EIF2AK4: variants seen among roughly 807,000 people sequenced by gnomAD.
The protein encoded by EIF2AK4 is eukaryotic translation initiation factor 2 alpha kinase 4.
In EIF2AK4, 139 loss-of-function variants were observed where a neutral mutation model predicts 211.1. The observed-to-expected ratio is 0.66, with a 90% CI of 0.57 to 0.76. EIF2AK4 has a LOEUF of 0.76. Among genes scored for constraint, EIF2AK4 ranks in the 30% least tolerant of loss-of-function variants. The probability of loss-of-function intolerance (pLI) is 0.00; values close to 1 mark genes in which losing one functional copy is unlikely to be tolerated. For synonymous variants in EIF2AK4, 710 were observed against 751.3 expected (o/e 0.94, Z 0.90); for missense variants, 1,664 against 2,043.8 (o/e 0.81, Z 3.58).
intron 9 of EIF2AK4, among the ~76,000 whole-genome samples, chr15:39,971,937 A>G (rs1052079542): frequency 2.6e-5 from 4 of 152,180 alleles, no homozygotes; most frequent in African/African-American, 9.7e-5. Flanking sequence ...GCTACTGGCC[A>G]GGGACCCCAC....
Position 40,001,063 on chromosome 15 carries a change from C to T in EIF2AK4, c.2998C>T (p.Leu1000=). 1.2e-6 allele frequency: 2 copies of T among 1,614,202 alleles called. No homozygotes were observed. The highest frequency in any genetic ancestry group is 1.7e-6 in the Non-Finnish European group (2 of 1,180,036). The stretch of plus-strand genomic sequence containing the variant: ...AGCCACAGAACTGCTCAAGAGTGAG[C>T]TGCTGCCCCCACCCCAGATGGAGGA... ...PTATELLKSE[L]LPPPQMEESE... The change falls in exon 21 of 39, where the codon CTG becomes TTG. Residue 1000 remains leucine, a synonymous_variant. Coordinates refer to ENST00000263791, the MANE Select transcript of EIF2AK4 (RefSeq NM_001013703.4).
intron 1 of EIF2AK4, among the ~76,000 whole-genome samples, chr15:39,935,256 C>G (rs550987309): frequency 6.6e-6 from 1 of 151,946 alleles, no homozygotes; most frequent in African/African-American, 2.4e-5. Context: ...AGTTTTTTCC[C>G]CATCCTTGAA....
At chr15:39,983,104 C>T (rs988959990) in intron 13 of EIF2AK4, among the ~76,000 whole-genome samples, 13 of 152,160 alleles carry the variant, frequency 8.5e-5, no homozygotes, top group Admixed American at 3.3e-4. Flanking sequence ...AGTTCTAGAT[C>T]CTTGAGGAAT....
rs2034116738 is a variant in EIF2AK4 at position 39,939,619 on chromosome 15, T to C, written c.257+2T>C. ...ATGCCCACCTACCTATCCAGATGTG[T>C]GAGTACATTTATAAATAGCTTTGAC... On this transcript the variant is annotated splice_donor_variant, in intron 2 of 38. Transcript: ENST00000263791. LOFTEE classifies it high-confidence loss of function. 1 of 1,596,414 alleles carries C rather than the reference T, an allele frequency of 6.3e-7. No homozygotes were observed. Among genetic ancestry groups the C allele is most frequent in the African/African-American group, 1.3e-5 (1 of 74,570 alleles).
chr15:39,942,567 C>T (rs2034159985), intron 2 of EIF2AK4, among the ~76,000 whole-genome samples: 1 of 152,178 alleles, frequency 6.6e-6, no homozygotes, highest in Admixed American at 6.5e-5. Context: ...GATGAGTCAT[C>T]ATCTCTTCAG....
intron 2 of EIF2AK4, among the ~76,000 whole-genome samples, chr15:39,940,468 A>G (rs1017390825): frequency 2.6e-5 from 4 of 152,160 alleles, no homozygotes; most frequent in African/African-American, 9.7e-5. Context: ...TTATTATCCT[A>G]AGAAGTGATA....
At chr15:40,019,770 A>C (rs895349189) in intron 30 of EIF2AK4, among the ~76,000 whole-genome samples, 3 of 152,220 alleles carry the variant, frequency 2.0e-5, no homozygotes, top group Non-Finnish European at 4.4e-5. Flanking sequence ...CTTCTGCCTT[A>C]GACAATTAAT....
intron 13 of EIF2AK4, among the ~76,000 whole-genome samples, chr15:39,983,684 C>T (rs535975990): frequency 7.9e-5 from 12 of 152,304 alleles, no homozygotes; most frequent in Admixed American, 3.3e-4. Context: ...TCAGGTGAAC[C>T]GACTGCCTCG....
intron 9 of EIF2AK4, among the ~76,000 whole-genome samples, chr15:39,969,819 G>C (rs1053558341): frequency 6.6e-6 from 1 of 152,166 alleles, no homozygotes; most frequent in Admixed American, 6.5e-5. Flanking sequence ...CATTCACAAA[G>C]AATGAAAACA....
At chr15:39,959,582 G>A (rs1183016035) in intron 6 of EIF2AK4, among the ~76,000 whole-genome samples, 1 of 152,124 alleles carries the variant, frequency 6.6e-6, no homozygotes, top group African/African-American at 2.4e-5. Context: ...ATAATAGGGT[G>A]ATTCACATTC....
chr15:39,996,495 A>C (rs1283801316), intron 18 of EIF2AK4, among the ~76,000 whole-genome samples: 1 of 152,182 alleles, frequency 6.6e-6, no homozygotes. Context: ...ACTTGAGTCC[A>C]GGAGTTGGAG....
At chr15:39,978,170 TATC>T (rs2034727963) in intron 13 of EIF2AK4, 23 bp downstream of exon 13, 1 of 1,291,954 alleles carries the variant, frequency 7.7e-7, no homozygotes, top group Admixed American at 1.9e-5. Flanking sequence ...ATAGAAATTA[TATC>T]ATTTTATTCG....
intron 23 of EIF2AK4, among the ~76,000 whole-genome samples, chr15:40,004,744 G>A (rs1295136312): frequency 4.6e-5 from 7 of 151,990 alleles, no homozygotes; most frequent in African/African-American, 7.2e-5. Flanking sequence ...TTGTAGAAAC[G>A]GGCTCTCGCT....
chr15:39,975,912 A>G lies in EIF2AK4; in HGVS notation c.1819-502A>G, dbSNP rs1019755331. Among the ~76,000 whole-genome samples the G allele has an allele frequency of 4.6e-5, 7 of 152,230 alleles. No homozygotes were observed. In the East Asian group the frequency reaches 7.7e-4, roughly 17 times the overall value. On this transcript the variant is annotated intron_variant, in intron 11 of 38. Coordinates refer to ENST00000263791, the MANE Select transcript of EIF2AK4 (RefSeq NM_001013703.4). ...AATTGAGTCTCAAGGAAATTAAGTA[A>G]TTTTCCCAAGTTCACACGGCTTTAG...
At chr15:39,984,999 A>T (rs1219349539) in intron 13 of EIF2AK4, among the ~76,000 whole-genome samples, 2 of 152,204 alleles carry the variant, frequency 1.3e-5, no homozygotes, top group Admixed American at 1.3e-4. Context: ...TGTCATAAAT[A>T]GCTCTTATTA....
intron 1 of EIF2AK4, among the ~76,000 whole-genome samples, chr15:39,937,089 G>C (rs1235966571): frequency 1.3e-5 from 2 of 152,092 alleles, no homozygotes; most frequent in Admixed American, 6.5e-5. Context: ...CTAGTTTAAA[G>C]TATCTATAAT....
intron 30 of EIF2AK4, 87 bp from the exon 31 acceptor site, chr15:40,020,812 G>A: frequency 7.9e-7 from 1 of 1,261,760 alleles, no homozygotes; most frequent in Non-Finnish European, 1.1e-6. Flanking sequence ...ATCTTCCCAA[G>A]AGTGCTGCCT....
intron 2 of EIF2AK4, among the ~76,000 whole-genome samples, chr15:39,941,344 G>A (rs1164634794): frequency 6.6e-6 from 1 of 152,120 alleles, no homozygotes; most frequent in Non-Finnish European, 1.5e-5. Context: ...ACTGACCAGA[G>A]TTCCCTCATG....
At position 39,955,644 on chromosome 15, in the gene EIF2AK4, T is replaced by C; in HGVS notation, c.619T>C (p.Ser207Pro). The change falls in exon 6 of 39, where the codon TCA becomes CCA. Residue 207 changes from serine (S) to proline (P), a missense_variant. Around this residue, in one of 7 missense-constraint regions of EIF2AK4, gnomAD observed 641 missense variants for 729.6 expected, o/e 0.88. Transcript: ENST00000263791. ...KQERLEIASL[S>P]NQDHTSKKDP... The stretch of plus-strand genomic sequence containing the variant: ...GGAACGTTTGGAAATTGCTAGTTTG[T>C]CAAACCAAGATCATACCTCTAAGAA... The C allele has an allele frequency of 6.2e-7, 1 of 1,608,500 alleles. No individual in the cohort carries two copies.
Sources: gnomAD v4.1 joint callset for allele counts (sites outside exome capture counted in the v4.1 genomes callset) on GRCh38, gnomAD v4.1.1 for gene constraint, gnomAD v4.1.1 regional missense constraint, MANE v1.5 for transcripts, NCBI Gene and HGNC (gene_info 2026-07-23, HGNC 2026-07-21) for gene names.